The following SNCAIP variants were observed in gnomAD, a reference collection of about 807,000 sequenced individuals.
SNCAIP encodes the protein synuclein alpha interacting protein, also known as synphilin-1.
In SNCAIP, 43 loss-of-function variants were observed where a neutral mutation model predicts 86.7. That is an observed-to-expected ratio of 0.50 (90% CI 0.39 to 0.64). The LOEUF (loss-of-function observed/expected upper bound fraction) is 0.64. Among genes scored for constraint, SNCAIP ranks in the 30% least tolerant of loss-of-function variants. SNCAIP has a pLI of 0.00. For synonymous variants in SNCAIP, 417 were observed against 427.2 expected (o/e 0.98, Z 0.29); for missense variants, 981 against 1,103.1 (o/e 0.89, Z 1.57).
intron 1 of SNCAIP, among the ~76,000 whole-genome samples, chr5:122,381,689 C>G (rs1766854867): frequency 6.6e-6 from 1 of 151,728 alleles, no homozygotes; most frequent in East Asian, 1.9e-4. Flanking sequence ...CCGGTTGTTC[C>G]TTTCCATGTT....
At chr5:122,413,044 A>G (rs1228889077) in intron 3 of SNCAIP, among the ~76,000 whole-genome samples, 1 of 152,222 alleles carries the variant, frequency 6.6e-6, no homozygotes, top group East Asian at 1.9e-4. Context: ...GGTCAAGAGG[A>G]TGGAGCCCTC....
intron 1 of SNCAIP, among the ~76,000 whole-genome samples, chr5:122,320,222 A>G (rs1248909081): frequency 6.6e-6 from 1 of 152,212 alleles, no homozygotes; most frequent in Non-Finnish European, 1.5e-5. Flanking sequence ...TGACAGCACT[A>G]CTGGTTTGAT....
chr5:122,325,082 CT>C lies in SNCAIP; in HGVS notation c.-47+12806del, dbSNP rs35448561. ...TCAGTATTTTGATATGGTTTCTTCC[CT>C]TTTTTTTATCAACAAATATCTATTG... On this transcript the variant is annotated intron_variant, in intron 1 of 10. Transcript: ENST00000261368. 5.5e-3 allele frequency among the ~76,000 whole-genome samples: 842 copies of C among 152,088 alleles called. 5 individuals carry two copies. The highest frequency in any genetic ancestry group is 0.018 in the African/African-American group (733 of 41,488).
At chr5:122,347,723 A>G (rs1758895421) in intron 1 of SNCAIP, among the ~76,000 whole-genome samples, 1 of 152,110 alleles carries the variant, frequency 6.6e-6, no homozygotes, top group African/African-American at 2.4e-5. Context: ...ACACCTTGGT[A>G]TAATGGACAC....
chr5:122,363,388 T>C (rs947843483), intron 1 of SNCAIP, among the ~76,000 whole-genome samples: 12 of 152,180 alleles, frequency 7.9e-5, no homozygotes, highest in Non-Finnish European at 1.5e-4. Context: ...GTTCTACCAG[T>C]TGGCATTGCT....
rs1244182309 is a variant in SNCAIP, at chr5:122,450,981, G to A, written c.2134G>A (p.Asp712Asn). The change falls in exon 10 of 11, where the codon GAC becomes AAC. Residue 712 changes from aspartate to asparagine, a missense_variant. Coordinates refer to ENST00000261368, the MANE Select transcript of SNCAIP (RefSeq NM_005460.4). ...CATTGTAGAAAGCGTAGAGAGTATG[G>A]ACAGCGCAGAAAGCCTGCACCTGAT... ...QPIVESVESM[D>N]SAESLHLMIK... 1 of 1,614,130 alleles carries A rather than the reference G, an allele frequency of 6.2e-7. No homozygotes were observed. The highest frequency in any genetic ancestry group is 8.5e-7 in the Non-Finnish European group (1 of 1,180,020).
intron 9 of SNCAIP, 149 bp downstream of exon 9, chr5:122,450,086 A>C (rs753947160): frequency 5.3e-5 from 35 of 657,680 alleles, no homozygotes; most frequent in Non-Finnish European, 9.1e-5. Context: ...TCACAGTGAA[A>C]AAGGCACTGG....
At chr5:122,366,265 A>G (rs971675233) in intron 1 of SNCAIP, among the ~76,000 whole-genome samples, 1 of 152,208 alleles carries the variant, frequency 6.6e-6, no homozygotes, top group African/African-American at 2.4e-5. Context: ...TAGGGCCACT[A>G]GCAAAGCTGG....
intron 1 of SNCAIP, among the ~76,000 whole-genome samples, chr5:122,362,718 C>G (rs575945020): frequency 1.3e-5 from 2 of 152,070 alleles, no homozygotes; most frequent in South Asian, 4.1e-4. Context: ...TGGAGTTTGA[C>G]GGAATGAAGC....
At chr5:122,444,981 C>G in intron 8 of SNCAIP, 1 of 519,942 alleles carries the variant, frequency 1.9e-6, no homozygotes, top group African/African-American at 1.9e-5. Flanking sequence ...GAATTTAAGC[C>G]AGTGGACAAG....
chr5:122,423,806 G>GT, intron 4 of SNCAIP, 67 bp downstream of exon 4: 1 of 1,358,676 alleles, frequency 7.4e-7, no homozygotes, highest in Non-Finnish European at 1.0e-6. Context: ...AACTGCATTC[G>GT]TTAGTAACAG....
intron 1 of SNCAIP, among the ~76,000 whole-genome samples, chr5:122,340,240 G>A (rs1757293197): frequency 6.6e-6 from 1 of 152,064 alleles, no homozygotes; most frequent in South Asian, 2.1e-4. Flanking sequence ...GAATTCTGCT[G>A]TGCTTCTTTT....
At chr5:122,390,376 A>G (rs1023384699) in intron 1 of SNCAIP, among the ~76,000 whole-genome samples, 11 of 152,202 alleles carry the variant, frequency 7.2e-5, no homozygotes, top group African/African-American at 2.2e-4. Context: ...TCCTACTGTG[A>G]TAGATTTAAA....
At position 122,432,019 on chromosome 5, in the gene SNCAIP, T is replaced by G; in HGVS notation, c.1233T>G (p.Ile411Met). The change falls in exon 6 of 11, where the codon ATT becomes ATG. Residue 411 changes from isoleucine (I) to methionine (M), a missense_variant. By Grantham distance (10) the Ile-to-Met change is conservative. Transcript: ENST00000261368. ...GGATGGTGAGCGAAACAGAAGCCAT[T>G]GCAGAACTGAGTTGTTCTAAGGATT... ...VRWMVSETEA[I>M]AELSCSKDFP... The G allele has an allele frequency of 6.2e-7, 1 of 1,608,980 alleles. No individual in the cohort carries two copies. The highest frequency in any genetic ancestry group is 1.1e-5 in the South Asian group (1 of 90,958).
intron 1 of SNCAIP, among the ~76,000 whole-genome samples, chr5:122,359,855 G>A (rs542630763): frequency 3.3e-5 from 5 of 152,252 alleles, no homozygotes; most frequent in South Asian, 2.1e-4. Context: ...TTCAAAAGCC[G>A]AATGATAGAC....
chr5:122,358,175 G>A (rs1761433894), intron 1 of SNCAIP, among the ~76,000 whole-genome samples: 1 of 64,698 alleles, frequency 1.5e-5, no homozygotes, highest in African/African-American at 6.2e-5. Flanking sequence ...GTGTGTGTGT[G>A]TGTGTGTGTG....
intron 1 of SNCAIP, among the ~76,000 whole-genome samples, chr5:122,380,330 A>G (rs1451243275): frequency 1.3e-5 from 2 of 152,164 alleles, no homozygotes; most frequent in East Asian, 1.9e-4. Flanking sequence ...ATTTGCATAG[A>G]CGTGTTTGTA....
intron 9 of SNCAIP, 96 bp from the exon 10 acceptor site, chr5:122,450,437 C>A (rs1561801803): frequency 1.2e-6 from 1 of 861,070 alleles, no homozygotes; most frequent in Non-Finnish European, 2.0e-6. Flanking sequence ...TTCTTATTTA[C>A]TTATACATTA....
At chr5:122,337,085 G>A (rs1050603357) in intron 1 of SNCAIP, among the ~76,000 whole-genome samples, 3 of 152,170 alleles carry the variant, frequency 2.0e-5, no homozygotes, top group African/African-American at 7.2e-5. Context: ...GTGAACTTGG[G>A]TCTACTGATT....
Sources: allele counts gnomAD v4.1 joint callset (sites outside exome capture counted in the v4.1 genomes callset), GRCh38; gene constraint gnomAD v4.1.1; transcripts MANE v1.5; gene names NCBI Gene and HGNC (gene_info 2026-07-23, HGNC 2026-07-21).